The following PTK2 variants were observed in gnomAD, a reference collection of about 807,000 sequenced individuals.
PTK2 encodes the protein focal adhesion kinase 1.
A neutral mutation model predicts 150.1 loss-of-function variants in PTK2; 45 were observed. The observed-to-expected ratio is 0.30, with a 90% confidence interval of 0.24 to 0.38. The LOEUF (loss-of-function observed/expected upper bound fraction) is 0.38, where lower values mean the gene tolerates loss of function less well. PTK2 is among the 10% of genes least tolerant of loss of function. PTK2 has a pLI of 1.00. For missense variants in PTK2, 919 were observed against 1,307.3 expected (o/e 0.70, Z 4.58); for synonymous variants, 432 against 449.2 (o/e 0.96, Z 0.48).
chr8:140,888,372 T>C (rs547389171), intron 3 of PTK2, among the ~76,000 whole-genome samples: 11 of 152,358 alleles, frequency 7.2e-5, no homozygotes, highest in South Asian at 2.1e-4. Context: ...TGACTCAGTA[T>C]CATGAGAACC....
rs1158198323 is a variant in PTK2 at position 140,819,144 on chromosome 8, A to G, written c.649-124T>C. 3 of 929,332 alleles carry G rather than the reference A, an allele frequency of 3.2e-6. No homozygotes were observed. In the African/African-American group the frequency reaches 5.1e-5, roughly 16 times the overall value. 57.6% of individuals were successfully genotyped at this position (929,332 alleles called of 1,614,324 possible). A position where few individuals can be genotyped will look rare whatever the true frequency, so the allele number is the denominator to read the frequency against. On this transcript the variant is annotated intron_variant, in intron 8 of 31. Transcript: ENST00000522684. ...CACCTACATTCAAATTACTGCCAAA[A>G]AGTATACTTGTCAAATAACTATAAA...
At chr8:140,670,736 A>T (rs1202887481) in intron 29 of PTK2, among the ~76,000 whole-genome samples, 1 of 152,100 alleles carries the variant, frequency 6.6e-6, no homozygotes, top group Non-Finnish European at 1.5e-5. Flanking sequence ...TATTTTCTGC[A>T]CTGAGAGTCA....
At chr8:140,760,251 T>C (rs192612141) in intron 16 of PTK2, among the ~76,000 whole-genome samples, 45 of 151,986 alleles carry the variant, frequency 3.0e-4, no homozygotes, top group African/African-American at 9.9e-4. Flanking sequence ...AAAACATATA[T>C]ATATATATCC....
intron 10 of PTK2, among the ~76,000 whole-genome samples, chr8:140,809,692 G>C (rs2100100281): frequency 6.6e-6 from 1 of 152,192 alleles, no homozygotes; most frequent in African/African-American, 2.4e-5. Context: ...TGTAGTCCCA[G>C]CTACTTGGGA....
chr8:140,895,275 C>T (rs1273523632), intron 2 of PTK2, among the ~76,000 whole-genome samples: 1 of 152,162 alleles, frequency 6.6e-6, no homozygotes. Flanking sequence ...CGCCTGTAAT[C>T]CCAGCACTTT....
intron 1 of PTK2, among the ~76,000 whole-genome samples, chr8:140,980,917 A>AT (rs750098819): frequency 0.015 from 2,033 of 135,756 alleles, 43 homozygotes; most frequent in African/African-American, 0.045. Context: ...TGGCCAGCTA[A>AT]TTTTTTTTTT....
chr8:140,773,749 CAA>C (rs1011532993), intron 14 of PTK2, among the ~76,000 whole-genome samples: 4 of 152,190 alleles, frequency 2.6e-5, no homozygotes, highest in African/African-American at 4.8e-5. Flanking sequence ...TAAATGATGT[CAA>C]GAGTCATTCA....
At chr8:140,678,958 C>T (rs2100015425) in intron 27 of PTK2, among the ~76,000 whole-genome samples, 1 of 144,798 alleles carries the variant, frequency 6.9e-6, no homozygotes, top group South Asian at 2.2e-4. Flanking sequence ...TTATGTGGTG[C>T]CTGTTTCCAG....
chr8:140,659,363 GT>G (rs773596049), exon 32 of PTK2: 13 of 994,682 alleles, frequency 1.3e-5, no homozygotes, highest in Non-Finnish European at 1.7e-5. Context: ...AGTTGGAGCT[GT>G]AAGTGCTGGC....
intron 23 of PTK2, among the ~76,000 whole-genome samples, chr8:140,716,010 G>A (rs2100039499): frequency 6.6e-6 from 1 of 152,160 alleles, no homozygotes; most frequent in Non-Finnish European, 1.5e-5. Context: ...ATTCTTTGGT[G>A]CTCATTACCA....
At chr8:140,845,346 C>G (rs138474534) in intron 7 of PTK2, among the ~76,000 whole-genome samples, 2 of 152,030 alleles carry the variant, frequency 1.3e-5, no homozygotes, top group Non-Finnish European at 2.9e-5. Flanking sequence ...CTATCTACCC[C>G]CAACCAACTC....
At chr8:140,747,481 G>A (rs1363045661) in intron 17 of PTK2, among the ~76,000 whole-genome samples, 1 of 19,408 alleles carries the variant, frequency 5.2e-5, no homozygotes, top group East Asian at 1.5e-3. Flanking sequence ...AGAGGAGGGG[G>A]AAGAGGAGGG....
chr8:140,667,874 C>G lies in PTK2; in HGVS notation c.2865+395G>C, dbSNP rs773264227. 6.6e-5 allele frequency among the ~76,000 whole-genome samples: 10 copies of G among 152,282 alleles called. No homozygotes were observed. The Middle Eastern group carries it at 0.01, about 155-fold the overall frequency. On this transcript the variant is annotated intron_variant, in intron 30 of 31. Coordinates refer to ENST00000522684, the Ensembl canonical transcript of PTK2. ...TCATTCCTCTACTTGTCTTTGCACT[C>G]CAACAACGTAACCACATCTCCCTAA... is the stretch of plus-strand genomic sequence containing the variant.
chr8:140,861,262 T>A (rs557368695), intron 5 of PTK2, among the ~76,000 whole-genome samples: 1 of 152,138 alleles, frequency 6.6e-6, no homozygotes, highest in Non-Finnish European at 1.5e-5. Context: ...GGCAGGGCGA[T>A]TGCTTGAGCC....
chr8:140,926,161 T>C (rs768560029), intron 1 of PTK2, among the ~76,000 whole-genome samples: 3 of 152,238 alleles, frequency 2.0e-5, no homozygotes, highest in Admixed American at 6.5e-5. Flanking sequence ...CTTCACCAAT[T>C]TGCTGCAGTG....
chr8:140,697,126 CCT>C (rs1462728229), intron 26 of PTK2, among the ~76,000 whole-genome samples: 4 of 117,658 alleles, frequency 3.4e-5, no homozygotes, highest in Non-Finnish European at 5.3e-5. Context: ...AGTGTGAGAC[CCT>C]GTTTCCGGGA....
intron 12 of PTK2, among the ~76,000 whole-genome samples, chr8:140,797,966 T>C (rs1012577587): frequency 5.3e-5 from 8 of 152,118 alleles, no homozygotes; most frequent in Admixed American, 2.6e-4. Flanking sequence ...TTAAAAGCAC[T>C]TTATAAATCC....
chr8:140,832,851 G>C, intron 7 of PTK2: 1 of 518,862 alleles, frequency 1.9e-6, no homozygotes, highest in Non-Finnish European at 3.8e-6. Context: ...TTCTAGTAGG[G>C]ATTTCAAGAA....
intron 10 of PTK2, among the ~76,000 whole-genome samples, chr8:140,812,425 C>A (rs556176534): frequency 6.6e-6 from 1 of 152,308 alleles, no homozygotes; most frequent in South Asian, 2.1e-4. Flanking sequence ...AAGGAAAGAC[C>A]GTTACCAACC....
Sources: gnomAD v4.1 joint callset for allele counts (sites outside exome capture counted in the v4.1 genomes callset) on GRCh38, gnomAD v4.1.1 for gene constraint, MANE v1.5 for transcripts, NCBI Gene and HGNC (gene_info 2026-07-23, HGNC 2026-07-21) for gene names.